RIMS1: variants seen among roughly 807,000 people sequenced by gnomAD.
RIMS1 encodes the protein regulating synaptic membrane exocytosis protein 1.
In RIMS1, 83 loss-of-function variants were observed where a neutral mutation model predicts 214.1. The ratio of observed to expected loss-of-function variants is 0.39; its 90% confidence interval spans 0.32 to 0.47. The LOEUF (loss-of-function observed/expected upper bound fraction) is 0.47, where lower values mean the gene tolerates loss of function less well. RIMS1 is among the 20% of genes least tolerant of loss of function. The probability of loss-of-function intolerance (pLI) is 0.99; values close to 1 mark genes in which losing one functional copy is unlikely to be tolerated. For synonymous variants in RIMS1, 793 were observed against 786.8 expected (o/e 1.01, Z -0.13); for missense variants, 2,050 against 2,161.8 (o/e 0.95, Z 1.03).
At chr6:72,064,290 C>A (rs143971197) in intron 2 of RIMS1, among the ~76,000 whole-genome samples, 1 of 150,534 alleles carries the variant, frequency 6.6e-6, no homozygotes, top group African/African-American at 2.4e-5. Flanking sequence ...TGCACTCCAG[C>A]CTGGGCAACA....
intron 2 of RIMS1, among the ~76,000 whole-genome samples, chr6:72,005,892 T>C (rs1807371700): frequency 6.6e-6 from 1 of 152,168 alleles, no homozygotes. Flanking sequence ...ACACAACATA[T>C]AGTAAATGGA....
chr6:71,920,851 G>A (rs1197640602), intron 1 of RIMS1, among the ~76,000 whole-genome samples: 1 of 152,168 alleles, frequency 6.6e-6, no homozygotes, highest in East Asian at 1.9e-4. Flanking sequence ...AAAGAGAAAG[G>A]TACCCACTGT....
At chr6:71,904,278 A>G (rs1774617285) in intron 1 of RIMS1, among the ~76,000 whole-genome samples, 1 of 152,120 alleles carries the variant, frequency 6.6e-6, no homozygotes. Flanking sequence ...ATTGTGCAAG[A>G]CGCTTATTAG....
At chr6:72,128,481 G>T (rs1407105231) in intron 4 of RIMS1, among the ~76,000 whole-genome samples, 1 of 151,384 alleles carries the variant, frequency 6.6e-6, no homozygotes, top group African/African-American at 2.4e-5. Context: ...CCAGAACACA[G>T]CCATCCTCTT....
chr6:72,068,543 A>G (rs1829847753), intron 2 of RIMS1, among the ~76,000 whole-genome samples: 2 of 152,306 alleles, frequency 1.3e-5, no homozygotes, highest in South Asian at 4.1e-4. Flanking sequence ...GAAACAGTTC[A>G]AAGCTATGAG....
chr6:72,027,563 A>G (rs1178741817), intron 2 of RIMS1, among the ~76,000 whole-genome samples: 1 of 152,130 alleles, frequency 6.6e-6, no homozygotes, highest in Admixed American at 6.6e-5. Context: ...CTATCTCCCT[A>G]TCAAGTTCTT....
intron 4 of RIMS1, among the ~76,000 whole-genome samples, chr6:72,127,897 A>G (rs1198912834): frequency 6.6e-6 from 1 of 152,218 alleles, no homozygotes; most frequent in Non-Finnish European, 1.5e-5. Flanking sequence ...AACCCACTCC[A>G]TACATGATCT....
Position 72,291,971 on chromosome 6 carries a change from G to A in RIMS1, c.3775G>A (p.Ala1259Thr). ...GAGAAGTCCAACACAATCTCCTCCA[G>A]CAGACACATCGTTCAGCAGTCGCAG... ...RQRSPTQSPP[A>T]DTSFSSRRGR... The change falls in exon 26 of 34, where the codon GCA becomes ACA. Residue 1259 changes from alanine (A) to threonine (T), a missense_variant. This residue lies in a region of RIMS1 where 889 missense variants were observed against 885.5 expected (regional missense o/e 1.00). Coordinates refer to ENST00000521978, the MANE Select transcript of RIMS1 (RefSeq NM_014989.7). 1 of 1,564,376 alleles carries A rather than the reference G, an allele frequency of 6.4e-7. No individual in the cohort carries two copies.
chr6:72,398,524 A>G (rs2098804319), intron 32 of RIMS1, among the ~76,000 whole-genome samples, 174 bp downstream of exon 32: 1 of 152,190 alleles, frequency 6.6e-6, no homozygotes, highest in African/African-American at 2.4e-5. Flanking sequence ...TTCCTTGCAC[A>G]GTTATTCTTT....
chr6:72,338,524 G>T (rs1231278135), intron 29 of RIMS1, among the ~76,000 whole-genome samples: 1 of 151,992 alleles, frequency 6.6e-6, no homozygotes, highest in Non-Finnish European at 1.5e-5. Flanking sequence ...CCATCAGAGT[G>T]AACAGGCAAC....
At chr6:72,018,370 T>C (rs756185497) in intron 2 of RIMS1, among the ~76,000 whole-genome samples, 1 of 152,136 alleles carries the variant, frequency 6.6e-6, no homozygotes, top group Non-Finnish European at 1.5e-5. Context: ...TGGGGACGAC[T>C]TTTAAAGAAA....
At chr6:72,366,870 A>G in intron 29 of RIMS1, 1 of 980,088 alleles carries the variant, frequency 1.0e-6, no homozygotes, top group Non-Finnish European at 1.2e-6. Flanking sequence ...AGACAAGGTA[A>G]GTCTATGTTC....
At chr6:72,059,885 C>G (rs1459432578) in intron 2 of RIMS1, among the ~76,000 whole-genome samples, 3 of 152,050 alleles carry the variant, frequency 2.0e-5, no homozygotes, top group Non-Finnish European at 4.4e-5. Flanking sequence ...ATTGGATATG[C>G]CAAATTTCAT....
intron 1 of RIMS1, among the ~76,000 whole-genome samples, chr6:71,965,062 A>G (rs1794060268): frequency 1.3e-5 from 2 of 152,202 alleles, no homozygotes; most frequent in African/African-American, 4.8e-5. Context: ...TGTGGACCCT[A>G]CAATAACACT....
intron 1 of RIMS1, among the ~76,000 whole-genome samples, chr6:71,926,169 G>C (rs1372012240): frequency 6.6e-6 from 1 of 152,124 alleles, no homozygotes; most frequent in Non-Finnish European, 1.5e-5. Flanking sequence ...TTGACCTTGT[G>C]ATCCACCTGC....
At chr6:72,341,998 G>A (rs887913335) in intron 29 of RIMS1, among the ~76,000 whole-genome samples, 6 of 151,810 alleles carry the variant, frequency 4.0e-5, no homozygotes, top group Admixed American at 3.3e-4. Flanking sequence ...CTATGAATGT[G>A]TTAAAAATCA....
At chr6:72,189,187 C>T (rs1226867951) in intron 6 of RIMS1, among the ~76,000 whole-genome samples, 3 of 152,200 alleles carry the variant, frequency 2.0e-5, no homozygotes, top group Non-Finnish European at 4.4e-5. Flanking sequence ...GTATTGGACA[C>T]TGATTCAGAG....
chr6:71,928,228 T>G (rs1400738424), intron 1 of RIMS1, among the ~76,000 whole-genome samples: 1 of 152,138 alleles, frequency 6.6e-6, no homozygotes, highest in African/African-American at 2.4e-5. Flanking sequence ...AACAGATAAA[T>G]AATTTCATTA....
chr6:71,886,799 C>G lies in RIMS1; in HGVS notation c.-225C>G. ...CCGAGCTTCGCTAGGGCGACCAAAACAAAGGCAGCATCCGGGGCTGGGTGG... is the reference window on the plus strand; with the variant it reads ...CCGAGCTTCGCTAGGGCGACCAAAAGAAAGGCAGCATCCGGGGCTGGGTGG... On this transcript the variant is annotated 5_prime_UTR_variant, in exon 1 of 34. Coordinates refer to ENST00000521978, the MANE Select transcript of RIMS1 (RefSeq NM_014989.7). 1 of 566,230 alleles carries G rather than the reference C, an allele frequency of 1.8e-6. No homozygotes were observed. The highest frequency in any genetic ancestry group is 3.2e-5 in the Admixed American group (1 of 31,566). The allele number at this position is 566,230 out of a possible 1,614,324, so 35.1% of individuals were successfully genotyped here. A position where few individuals can be genotyped will look rare whatever the true frequency, so the allele number is the denominator to read the frequency against.
Sources: allele counts gnomAD v4.1 joint callset (sites outside exome capture counted in the v4.1 genomes callset), GRCh38; gene constraint gnomAD v4.1.1; regional missense constraint gnomAD v4.1.1; transcripts MANE v1.5; gene names NCBI Gene and HGNC (gene_info 2026-07-23, HGNC 2026-07-21).